Variants in AOPEP observed in about 807,000 individuals in gnomAD.
AOPEP encodes the protein aminopeptidase O (putative), also known as aminopeptidase O.
A neutral mutation model predicts 98.1 loss-of-function variants in AOPEP; 77 were observed. The ratio of observed to expected loss-of-function variants is 0.78; its 90% confidence interval spans 0.65 to 0.95. The LOEUF (loss-of-function observed/expected upper bound fraction) is 0.95, where lower values mean the gene tolerates loss of function less well. AOPEP is among the 40% of genes least tolerant of loss of function. AOPEP has a pLI of 0.00. For missense variants in AOPEP, 1,024 were observed against 1,024.7 expected (o/e 1.00, Z 0.01); for synonymous variants, 346 against 365.3 (o/e 0.95, Z 0.60).
rs2133596329 is a variant in AOPEP, at chr9:95,042,219, G to A, written c.2116-18475G>A. Reference sequence around the variant, plus strand: ...CCCAGCTACTCGGGAGGCTGAGGCAGGAGAGTGGCATGAACCCAGGAGGCA... The same window carrying A: ...CCCAGCTACTCGGGAGGCTGAGGCAAGAGAGTGGCATGAACCCAGGAGGCA... On this transcript the variant is annotated intron_variant, in intron 13 of 16. Coordinates refer to ENST00000375315, the MANE Select transcript of AOPEP (RefSeq NM_001193329.3). 2.0e-5 allele frequency among the ~76,000 whole-genome samples: 3 copies of A among 151,842 alleles called. No individual in the cohort carries two copies. The South Asian group carries it at 6.2e-4, about 32-fold the overall frequency.
At chr9:94,730,188 G>C (rs532350095) in intron 1 of AOPEP, among the ~76,000 whole-genome samples, 8 of 151,758 alleles carry the variant, frequency 5.3e-5, no homozygotes, top group Non-Finnish European at 1.2e-4. Flanking sequence ...TGAGGCTGAG[G>C]CAGGAGAATG....
At chr9:94,830,945 A>T (rs1279934612) in intron 5 of AOPEP, among the ~76,000 whole-genome samples, 1 of 151,964 alleles carries the variant, frequency 6.6e-6, no homozygotes, top group East Asian at 1.9e-4. Flanking sequence ...TAGATTCTGG[A>T]TATTAGACCT....
At position 94,728,520 on chromosome 9, in the gene AOPEP, A is replaced by G. The variant is rs371347825; in HGVS notation, c.-136+1769A>G. 2.1e-4 allele frequency among the ~76,000 whole-genome samples: 32 copies of G among 152,324 alleles called. 2 individuals carry two copies. Among genetic ancestry groups the G allele is most frequent in the African/African-American group, 6.5e-4 (27 of 41,578 alleles). On this transcript the variant is annotated intron_variant, in intron 1 of 16. Transcript: ENST00000375315. Reference sequence around the variant, plus strand: ...GTGCCCGGTCGAGGACAGTTCTTCTAAGGAATTTGGCTGTGAGGAGATAAA... The same window carrying G: ...GTGCCCGGTCGAGGACAGTTCTTCTGAGGAATTTGGCTGTGAGGAGATAAA...
chr9:94,749,516 T>C (rs78685832), intron 1 of AOPEP, among the ~76,000 whole-genome samples: 1,658 of 152,308 alleles, frequency 0.011, 34 homozygotes, highest in African/African-American at 0.038. Context: ...CTTTTGCCTG[T>C]CCATCTTGGA....
chr9:95,069,541 G>T (rs1564599916), intron 14 of AOPEP, among the ~76,000 whole-genome samples: 1 of 151,422 alleles, frequency 6.6e-6, no homozygotes, highest in East Asian at 1.9e-4. Context: ...CTCCCACGTT[G>T]TACTTTTTGG....
intron 6 of AOPEP, among the ~76,000 whole-genome samples, chr9:94,927,507 A>G (rs146729609): frequency 1.1e-3 from 162 of 152,174 alleles, no homozygotes; most frequent in Admixed American, 2.0e-3. Context: ...CGTGCCTTGC[A>G]AGTGCTCTTC....
intron 9 of AOPEP, among the ~76,000 whole-genome samples, chr9:94,964,667 T>C (rs1305825572): frequency 7.5e-6 from 1 of 133,646 alleles, no homozygotes; most frequent in East Asian, 2.2e-4. Context: ...TGAGACGGAG[T>C]CTCTCACTGT....
intron 4 of AOPEP, among the ~76,000 whole-genome samples, chr9:94,793,696 AAAG>A (rs1846276983): frequency 8.9e-6 from 1 of 112,454 alleles, no homozygotes; most frequent in African/African-American, 3.6e-5. Flanking sequence ...AAAAAGGAAA[AAAG>A]AAAGGAAAGC....
chr9:95,113,406 CAA>C, the AOPEP span, among the ~76,000 whole-genome samples: 3 of 152,128 alleles, frequency 2.0e-5, no homozygotes, highest in Non-Finnish European at 2.9e-5. Flanking sequence ...AAGAGGAAGC[CAA>C]AGAGTGTTAT....
chr9:95,102,532 T>G, the AOPEP span, among the ~76,000 whole-genome samples: 2 of 152,242 alleles, frequency 1.3e-5, no homozygotes, highest in Non-Finnish European at 2.9e-5. Flanking sequence ...TTAAGAAGGC[T>G]TAAGTTTTTG....
chr9:94,958,441 T>C (rs998959825), intron 9 of AOPEP, among the ~76,000 whole-genome samples: 1 of 152,256 alleles, frequency 6.6e-6, no homozygotes, highest in Non-Finnish European at 1.5e-5. Flanking sequence ...AATAATTCTA[T>C]GTTTAGCTTG....
intron 14 of AOPEP, among the ~76,000 whole-genome samples, chr9:95,073,287 G>A (rs1027485190): frequency 2.0e-5 from 3 of 152,160 alleles, no homozygotes; most frequent in African/African-American, 7.2e-5. Context: ...TGGGGAGCTG[G>A]AGCTGGAGTG....
intron 5 of AOPEP, among the ~76,000 whole-genome samples, chr9:94,854,920 C>T (rs1330800239): frequency 6.6e-6 from 1 of 152,084 alleles, no homozygotes; most frequent in East Asian, 1.9e-4. Flanking sequence ...AAATGAACTA[C>T]CTGGAGGACA....
chr9:95,109,212 A>G, the AOPEP span, among the ~76,000 whole-genome samples: 2 of 152,214 alleles, frequency 1.3e-5, no homozygotes, highest in Admixed American at 1.3e-4. Flanking sequence ...ACACCCGTCC[A>G]AGAGCATGAT....
intron 7 of AOPEP, chr9:94,931,745 CT>C: frequency 6.4e-7 from 1 of 1,550,498 alleles, no homozygotes; most frequent in Non-Finnish European, 8.7e-7. Context: ...GCAGTGGAAG[CT>C]TCTCTTGAGA....
chr9:94,738,523 G>A (rs1264981135), intron 1 of AOPEP, among the ~76,000 whole-genome samples: 2 of 152,088 alleles, frequency 1.3e-5, no homozygotes, highest in Non-Finnish European at 2.9e-5. Flanking sequence ...GAACAGTTTT[G>A]TACCACCTGT....
At chr9:95,121,489 C>T in the AOPEP span, among the ~76,000 whole-genome samples, 7 of 152,212 alleles carry the variant, frequency 4.6e-5, no homozygotes, top group Admixed American at 1.3e-4. Flanking sequence ...GAAAGTTGAA[C>T]TTTTGTATTC....
At chr9:94,924,324 G>A (rs1373401216) in intron 6 of AOPEP, 149 bp downstream of exon 6, 5 of 496,240 alleles carry the variant, frequency 1.0e-5, no homozygotes, top group Admixed American at 8.7e-5. Flanking sequence ...AGAGAGGGAA[G>A]CCCCTACTCC....
At chr9:94,915,512 C>T (rs1362334398) in intron 5 of AOPEP, among the ~76,000 whole-genome samples, 3 of 152,246 alleles carry the variant, frequency 2.0e-5, no homozygotes, top group African/African-American at 4.8e-5. Context: ...GCAGGGAACC[C>T]GCTCTTGCCT....
Sources: gnomAD v4.1 joint callset for allele counts (sites outside exome capture counted in the v4.1 genomes callset) on GRCh38, gnomAD v4.1.1 for gene constraint, MANE v1.5 for transcripts, NCBI Gene and HGNC (gene_info 2026-07-23, HGNC 2026-07-21) for gene names.